CHD1L: variants seen among roughly 807,000 people sequenced by gnomAD.
CHD1L encodes the protein chromodomain helicase DNA binding protein 1 like.
A neutral mutation model predicts 115.9 loss-of-function variants in CHD1L; 118 were observed. The ratio of observed to expected loss-of-function variants is 1.02; its 90% confidence interval spans 0.88 to 1.19. CHD1L has a LOEUF of 1.19. Ranked by LOEUF, CHD1L falls within the 50% of genes most tolerant of loss-of-function variation. The probability of loss-of-function intolerance (pLI) is 0.00; values close to 1 mark genes in which losing one functional copy is unlikely to be tolerated. For missense variants in CHD1L, 1,179 were observed against 1,065.3 expected, an observed-to-expected ratio of 1.11 and a Z score of -1.49; for synonymous variants, 411 against 387.1, an observed-to-expected ratio of 1.06 and a Z score of -0.72.
chr1:147,179,922 G>A, the CHD1L span, among the ~76,000 whole-genome samples: 1 of 148,246 alleles, frequency 6.7e-6, no homozygotes, highest in Non-Finnish European at 1.5e-5. Flanking sequence ...ATTTGGAACA[G>A]TGACAATAAA....
intron 1 of CHD1L, among the ~76,000 whole-genome samples, chr1:147,249,932 C>CTCTATAACTTCTATTCTGTAGAGT (rs1553935570): frequency 3.3e-5 from 5 of 152,084 alleles, no homozygotes; most frequent in African/African-American, 1.2e-4. Flanking sequence ...ATTGTAATCT[C>CTCTATAACTTCTATTCTGTAGAGT]TCTATAACTT....
the CHD1L span, chr1:147,201,252 CAGG>C: frequency 3.1e-6 from 5 of 1,614,136 alleles, no homozygotes; most frequent in East Asian, 1.1e-4. Context: ...TTGGCCTTTC[CAGG>C]TTAGGAGGGA....
chr1:147,248,753 G>GT (rs1667433414), intron 1 of CHD1L, among the ~76,000 whole-genome samples: 1 of 152,024 alleles, frequency 6.6e-6, no homozygotes, highest in Non-Finnish European at 1.5e-5. Context: ...GTAAATGTAC[G>GT]TATGTGTGTA....
chr1:147,229,052 G>A, the CHD1L span, among the ~76,000 whole-genome samples: 1 of 152,158 alleles, frequency 6.6e-6, no homozygotes, highest in Non-Finnish European at 1.5e-5. Context: ...TGTTGCCATT[G>A]CTTTTGGTGT....
chr1:147,213,386 C>G, the CHD1L span: 1 of 1,613,828 alleles, frequency 6.2e-7, no homozygotes, highest in Non-Finnish European at 8.5e-7. Context: ...ACATTCATCT[C>G]CTTTTTCCCT....
chr1:147,177,512 G>A, the CHD1L span, among the ~76,000 whole-genome samples: 2 of 152,068 alleles, frequency 1.3e-5, no homozygotes, highest in African/African-American at 4.8e-5. Context: ...TTCAAAGAGC[G>A]CAGTATGGAA....
intron 20 of CHD1L, among the ~76,000 whole-genome samples, chr1:147,292,228 C>CG (rs148812330): frequency 0.013 from 1,958 of 152,330 alleles, 43 homozygotes; most frequent in African/African-American, 0.045. Context: ...ACTCAGAACT[C>CG]TGACGGTTTC....
chr1:147,290,237 C>G (rs941055980), intron 19 of CHD1L, among the ~76,000 whole-genome samples: 2 of 152,024 alleles, frequency 1.3e-5, no homozygotes, highest in Non-Finnish European at 2.9e-5. Flanking sequence ...GCGCACACCA[C>G]CATGCCCGGC....
intron 10 of CHD1L, 46 bp downstream of exon 10, chr1:147,268,924 A>C: frequency 6.9e-7 from 1 of 1,453,532 alleles, no homozygotes; most frequent in Non-Finnish European, 9.6e-7. Context: ...ATGACTGTTA[A>C]AACCTGACTA....
intron 12 of CHD1L, among the ~76,000 whole-genome samples, chr1:147,274,756 G>T (rs1553956097): frequency 6.6e-6 from 1 of 152,092 alleles, no homozygotes; most frequent in African/African-American, 2.4e-5. Context: ...CTTGCCGTTG[G>T]TTTTGTTACT....
chr1:147,178,698 G>A, the CHD1L span: 1 of 1,576,708 alleles, frequency 6.3e-7, no homozygotes, highest in Non-Finnish European at 8.7e-7. Flanking sequence ...TGGTGAACGA[G>A]TATGATGATA....
chr1:147,232,692 G>T, the CHD1L span, among the ~76,000 whole-genome samples: 1 of 152,168 alleles, frequency 6.6e-6, no homozygotes, highest in Non-Finnish European at 1.5e-5. Flanking sequence ...GTGGAGATGG[G>T]GTTTCGCTGT....
At chr1:147,188,105 T>C in the CHD1L span, among the ~76,000 whole-genome samples, 1 of 152,106 alleles carries the variant, frequency 6.6e-6, no homozygotes, top group Admixed American at 6.6e-5. Context: ...GAAATGGGAC[T>C]AGATTTAGGA....
chr1:147,242,737 C>T lies in CHD1L; in HGVS notation c.34C>T (p.Gln12Ter), dbSNP rs782646191. The T allele has an allele frequency of 4.8e-6, 6 of 1,260,814 alleles. No homozygotes were observed. The Admixed American group carries it at 2.0e-4, about 41-fold the overall frequency. The allele number at this position is 1,260,814 out of a possible 1,614,324, so 78.1% of individuals were successfully genotyped here. ...ERAGATSRGGQAPGFLLRLHT... is the reference protein window; with the variant it reads ...ERAGATSRGG ...CGCGGGCGCTACTAGCCGCGGGGGC[C>T]AAGCCCCTGGCTTCTTACTGCGGCT... The change falls in exon 1 of 23, where the codon CAA (glutamine) becomes TAA (stop). Residue 12 changes from glutamine (Q) to a stop codon, truncating the protein, a stop_gained. Transcript: ENST00000369258. LOFTEE classifies it high-confidence loss of function.
At chr1:147,270,529 T>TGTG (rs1314147105) in intron 10 of CHD1L, among the ~76,000 whole-genome samples, 109 of 151,636 alleles carry the variant, frequency 7.2e-4, no homozygotes, top group Non-Finnish European at 1.3e-3. Context: ...TTCTTTTTTT[T>TGTG]TGTGTGTGTA....
the CHD1L span, among the ~76,000 whole-genome samples, chr1:147,227,696 AC>A: frequency 6.6e-6 from 1 of 152,204 alleles, no homozygotes; most frequent in Non-Finnish European, 1.5e-5. Context: ...AATAAGAACA[AC>A]TAATTCCAAG....
At chr1:147,227,735 T>TATGC in the CHD1L span, among the ~76,000 whole-genome samples, 1 of 152,338 alleles carries the variant, frequency 6.6e-6, no homozygotes, top group South Asian at 2.1e-4. Context: ...TGAAGGAGTG[T>TATGC]ATGTGTATGG....
chr1:147,278,959 G>A (rs1679739581), intron 14 of CHD1L, among the ~76,000 whole-genome samples: 1 of 152,124 alleles, frequency 6.6e-6, no homozygotes, highest in South Asian at 2.1e-4. Context: ...GCAATAACAA[G>A]GGAGAGCCAG....
At chr1:147,215,660 C>G in the CHD1L span, 2 of 907,340 alleles carry the variant, frequency 2.2e-6, no homozygotes, top group East Asian at 5.2e-5. Context: ...CAAATCAAGC[C>G]AATCTTTAGA....
Sources: gnomAD v4.1 joint callset for allele counts (sites outside exome capture counted in the v4.1 genomes callset) on GRCh38, gnomAD v4.1.1 for gene constraint, MANE v1.5 for transcripts, NCBI Gene and HGNC (gene_info 2026-07-23, HGNC 2026-07-21) for gene names.